RGS6: variants seen among roughly 807,000 people sequenced by gnomAD.
RGS6 encodes the protein regulator of G protein signaling 6.
Under a neutral mutation model 78.5 loss-of-function variants are expected in RGS6, and 30 were observed. That is an observed-to-expected ratio of 0.38 (90% CI 0.29 to 0.52). The LOEUF is 0.52. RGS6 is among the 20% of genes least tolerant of loss of function. RGS6 has a pLI of 0.85. For synonymous variants in RGS6, 206 were observed against 206.0 expected, an observed-to-expected ratio of 1.00 and a Z score of 0.00; for missense variants, 495 against 609.7, an observed-to-expected ratio of 0.81 and a Z score of 1.98.
the RGS6 span, among the ~76,000 whole-genome samples, chr14:72,595,877 G>A: frequency 1.3e-5 from 2 of 152,132 alleles, no homozygotes; most frequent in South Asian, 2.1e-4. Flanking sequence ...CTTAAATCAC[G>A]TACCTCCACG....
chr14:72,124,529 C>A lies in RGS6; in HGVS notation c.84+159654C>A, dbSNP rs117831186. Among the ~76,000 whole-genome samples the A allele has an allele frequency of 1.7e-4, 26 of 152,268 alleles. No individual in the cohort carries two copies. In the East Asian group the frequency reaches 4.8e-3, roughly 28 times the overall value. ...ATTACTGTAGGATGTCTCTAAACAGCAAGTGTGTCTTAGGCATTTGAAATA... is the reference window on the plus strand; with the variant it reads ...ATTACTGTAGGATGTCTCTAAACAGAAAGTGTGTCTTAGGCATTTGAAATA... On this transcript the variant is annotated intron_variant, in intron 2 of 17. Coordinates refer to ENST00000553525, the MANE Select transcript of RGS6 (RefSeq NM_001204424.2).
intron 2 of RGS6, among the ~76,000 whole-genome samples, chr14:72,303,092 G>C (rs1259134469): frequency 6.6e-6 from 1 of 152,144 alleles, no homozygotes; most frequent in Non-Finnish European, 1.5e-5. Context: ...AGCAGCATGA[G>C]AACAGACTAA....
chr14:72,401,971 A>C lies in RGS6; in HGVS notation c.184+49777A>C, dbSNP rs569938819. 5.6e-4 allele frequency among the ~76,000 whole-genome samples: 85 copies of C among 152,358 alleles called. 1 individual carries two copies. Among genetic ancestry groups the C allele is most frequent in the Non-Finnish European group, 8.8e-5 (6 of 68,038 alleles). On this transcript the variant is annotated intron_variant, in intron 3 of 17. Coordinates refer to ENST00000553525, the MANE Select transcript of RGS6 (RefSeq NM_001204424.2). ...TAAAAGGTGTGAGTAGGATACAGGG[A>C]AAGTGACAAAAGATGGAGCAAGTTG... is the stretch of plus-strand genomic sequence containing the variant.
chr14:72,122,976 G>C (rs924212545), intron 2 of RGS6, among the ~76,000 whole-genome samples: 7 of 151,954 alleles, frequency 4.6e-5, no homozygotes, highest in African/African-American at 9.7e-5. Flanking sequence ...TTTTTGTTTT[G>C]TTTTGTTTGA....
At chr14:72,037,797 T>C (rs1351589497) in intron 2 of RGS6, among the ~76,000 whole-genome samples, 1 of 151,290 alleles carries the variant, frequency 6.6e-6, no homozygotes. Flanking sequence ...CATATGCATT[T>C]GTCAAAACAT....
intron 2 of RGS6, among the ~76,000 whole-genome samples, chr14:71,999,611 G>A (rs927468126): frequency 1.3e-5 from 2 of 152,180 alleles, no homozygotes; most frequent in Admixed American, 1.3e-4. Flanking sequence ...TTGGATGGTG[G>A]GGGTGGATCC....
chr14:72,043,254 T>C (rs1178784500), intron 2 of RGS6, among the ~76,000 whole-genome samples: 1 of 152,198 alleles, frequency 6.6e-6, no homozygotes, highest in Admixed American at 6.5e-5. Context: ...TAGTCAAATT[T>C]GTACAACTTT....
intron 3 of RGS6, among the ~76,000 whole-genome samples, chr14:72,359,108 T>A (rs2080953083): frequency 6.6e-6 from 1 of 152,200 alleles, no homozygotes. Flanking sequence ...CTTTCTGCCA[T>A]GATTGTAAGT....
intron 16 of RGS6, among the ~76,000 whole-genome samples, chr14:72,539,626 TG>T (rs922516202): frequency 6.6e-6 from 1 of 152,136 alleles, no homozygotes; most frequent in East Asian, 1.9e-4. Flanking sequence ...TGTCAGGACT[TG>T]GGGGGCCCCC....
chr14:72,603,611 G>A, the RGS6 span, among the ~76,000 whole-genome samples: 3 of 152,230 alleles, frequency 2.0e-5, no homozygotes, highest in African/African-American at 4.8e-5. Context: ...GACACAGTGC[G>A]TGCCCTCAAA....
At chr14:72,336,512 TGA>T (rs35115421) in intron 2 of RGS6, among the ~76,000 whole-genome samples, 39,866 of 149,268 alleles carry the variant, frequency 0.27, 6,097 homozygotes, top group East Asian at 0.43. Context: ...TGTCATCTCC[TGA>T]GAGAGAGAGA....
intron 13 of RGS6, among the ~76,000 whole-genome samples, chr14:72,496,384 T>C (rs1449334038): frequency 6.6e-6 from 1 of 152,220 alleles, no homozygotes; most frequent in Non-Finnish European, 1.5e-5. Flanking sequence ...TTAGAGCACG[T>C]TACATCCCTT....
At chr14:72,529,631 T>C (rs2097157934) in intron 15 of RGS6, among the ~76,000 whole-genome samples, 1 of 152,066 alleles carries the variant, frequency 6.6e-6, no homozygotes, top group Non-Finnish European at 1.5e-5. Flanking sequence ...GATCAGACTG[T>C]GAAGCTGCAA....
At chr14:72,102,346 A>G (rs557389570) in intron 2 of RGS6, among the ~76,000 whole-genome samples, 178 of 152,344 alleles carry the variant, frequency 1.2e-3, no homozygotes, top group African/African-American at 4.3e-3. Flanking sequence ...TGTACAGAAA[A>G]TATGAATAAA....
chr14:72,168,621 T>C (rs984707238), intron 2 of RGS6, among the ~76,000 whole-genome samples: 3 of 152,232 alleles, frequency 2.0e-5, no homozygotes, highest in African/African-American at 7.2e-5. Context: ...ATAAAATATA[T>C]AATTAAATTA....
chr14:72,123,818 A>G (rs1597976634), intron 2 of RGS6, among the ~76,000 whole-genome samples: 1 of 152,194 alleles, frequency 6.6e-6, no homozygotes. Flanking sequence ...CCAAACTTTG[A>G]AAAACATTCT....
intron 12 of RGS6, among the ~76,000 whole-genome samples, chr14:72,489,780 T>C (rs149809383): frequency 2.2e-3 from 331 of 152,228 alleles, no homozygotes; most frequent in African/African-American, 7.5e-3. Flanking sequence ...CCCTAGAGCC[T>C]TCGGAGGGAG....
intron 3 of RGS6, among the ~76,000 whole-genome samples, chr14:72,413,799 A>G (rs1385758962): frequency 1.3e-5 from 2 of 152,148 alleles, no homozygotes; most frequent in Non-Finnish European, 2.9e-5. Flanking sequence ...GCTTGTCTGT[A>G]AAGTATTTTA....
At chr14:72,196,484 ACTG>A (rs1261451573) in intron 2 of RGS6, among the ~76,000 whole-genome samples, 1 of 152,156 alleles carries the variant, frequency 6.6e-6, no homozygotes, top group Non-Finnish European at 1.5e-5. Flanking sequence ...ACCTAGAATC[ACTG>A]CTATCACGTG....
Sources: allele counts gnomAD v4.1 joint callset (sites outside exome capture counted in the v4.1 genomes callset), GRCh38; gene constraint gnomAD v4.1.1; transcripts MANE v1.5; gene names NCBI Gene and HGNC (gene_info 2026-07-23, HGNC 2026-07-21).